SPECC1: variants seen among roughly 807,000 people sequenced by gnomAD.
SPECC1 encodes cytospin-B.
SPECC1 carries 62 observed loss-of-function variants against 104.1 expected under a neutral mutation model. That is an observed-to-expected ratio of 0.60 (90% confidence interval 0.49 to 0.74). The LOEUF (loss-of-function observed/expected upper bound fraction) is 0.74, where lower values mean the gene tolerates loss of function less well. SPECC1 is among the 30% of genes least tolerant of loss of function. The pLI is 0.00. For synonymous variants in SPECC1, 513 were observed against 501.6 expected (o/e 1.02, Z -0.30); for missense variants, 1,306 against 1,310.5 (o/e 1.00, Z 0.05).
chr17:20,263,644 A>T (rs2040112065), intron 12 of SPECC1, among the ~76,000 whole-genome samples: 2 of 152,182 alleles, frequency 1.3e-5, no homozygotes, highest in Admixed American at 1.3e-4. Flanking sequence ...GGTGATGGGA[A>T]ATTGAAGAAA....
At chr17:20,082,242 T>C (rs938064957) in intron 1 of SPECC1, among the ~76,000 whole-genome samples, 1 of 152,204 alleles carries the variant, frequency 6.6e-6, no homozygotes, top group Non-Finnish European at 1.5e-5. Flanking sequence ...AGAGTTGTAT[T>C]AGTCTGCTTG....
intron 3 of SPECC1, among the ~76,000 whole-genome samples, chr17:20,176,077 G>A (rs1212174853): frequency 6.6e-6 from 1 of 152,148 alleles, no homozygotes; most frequent in Admixed American, 6.5e-5. Flanking sequence ...TTTCTGGAGC[G>A]AAAATTCTTA....
intron 3 of SPECC1, among the ~76,000 whole-genome samples, chr17:20,180,010 T>C (rs1160628615): frequency 6.6e-6 from 1 of 152,174 alleles, no homozygotes; most frequent in East Asian, 1.9e-4. Context: ...AAAAATTTCA[T>C]CTTTGTTGGT....
intron 3 of SPECC1, among the ~76,000 whole-genome samples, chr17:20,125,313 T>C (rs1337563210): frequency 6.6e-6 from 1 of 152,240 alleles, no homozygotes; most frequent in African/African-American, 2.4e-5. Context: ...GCGCGTCATG[T>C]TTGCATCACC....
intron 13 of SPECC1, among the ~76,000 whole-genome samples, chr17:20,298,300 C>T (rs2041423187): frequency 6.6e-6 from 1 of 151,956 alleles, no homozygotes; most frequent in Non-Finnish European, 1.5e-5. Context: ...CACCACTGCA[C>T]TTCAGCCTGG....
chr17:20,035,912 C>T (rs1047768840), intron 1 of SPECC1, among the ~76,000 whole-genome samples: 2 of 152,066 alleles, frequency 1.3e-5, no homozygotes, highest in African/African-American at 4.8e-5. Flanking sequence ...GCAACCTCTG[C>T]CTCCGGGTTC....
chr17:20,030,913 T>G (rs1048747243), intron 1 of SPECC1, among the ~76,000 whole-genome samples: 2 of 152,226 alleles, frequency 1.3e-5, no homozygotes, highest in Non-Finnish European at 2.9e-5. Flanking sequence ...TGTGCTCTCA[T>G]GAGCCTTGGT....
intron 1 of SPECC1, among the ~76,000 whole-genome samples, chr17:20,059,846 A>G (rs1597630344): frequency 6.6e-6 from 1 of 152,228 alleles, no homozygotes; most frequent in African/African-American, 2.4e-5. Flanking sequence ...TGTGTGACAG[A>G]GCAAGGGCCT....
chr17:20,091,829 G>A (rs968758511), intron 1 of SPECC1, among the ~76,000 whole-genome samples: 20 of 152,034 alleles, frequency 1.3e-4, no homozygotes, highest in African/African-American at 4.8e-4. Context: ...CTGGAGACTC[G>A]TCATTATTTT....
At chr17:20,058,714 A>G (rs908761617) in intron 1 of SPECC1, among the ~76,000 whole-genome samples, 57 of 151,982 alleles carry the variant, frequency 3.8e-4, no homozygotes, top group African/African-American at 1.3e-3. Context: ...TATTTAGATT[A>G]GCGGTCCCCA....
At chr17:20,173,628 T>C (rs2034252016) in intron 3 of SPECC1, among the ~76,000 whole-genome samples, 1 of 152,164 alleles carries the variant, frequency 6.6e-6, no homozygotes, top group Non-Finnish European at 1.5e-5. Flanking sequence ...GACTGCCGTT[T>C]TAAACTGTAA....
At chr17:20,111,510 T>G (rs2048489771) in intron 3 of SPECC1, among the ~76,000 whole-genome samples, 1 of 152,214 alleles carries the variant, frequency 6.6e-6, no homozygotes, top group Non-Finnish European at 1.5e-5. Flanking sequence ...CACTTGGTTT[T>G]TAAAATACAA....
In SPECC1 at chr17:20,278,720, T is replaced by TCTCTC. The variant is rs201319703; in HGVS notation, c.2941-18241_2941-18240insCTCTC. Among the ~76,000 whole-genome samples, 4 of 144,802 alleles carry TCTCTC rather than the reference T, an allele frequency of 2.8e-5. No individual in the cohort carries two copies. In the East Asian group the frequency reaches 8.1e-4, roughly 29 times the overall value. The allele number at this position is 144,802 out of a possible 152,430, so 95.0% of individuals were successfully genotyped here. A position where few individuals can be genotyped will look rare whatever the true frequency, so the allele number is the denominator to read the frequency against. On this transcript the variant is annotated intron_variant, in intron 12 of 14. Coordinates refer to ENST00000395527, the MANE Select transcript of SPECC1 (RefSeq NM_001243439.2). The stretch of plus-strand genomic sequence containing the variant: ...CCCTGTCTCTCTCTCTCTCTCTCTC[T>TCTCTC]TTTTTTTTTTAAAGGTTCTTACCAT...
chr17:20,115,528 T>C (rs2042046), intron 3 of SPECC1, among the ~76,000 whole-genome samples: 86,444 of 151,934 alleles, frequency 0.57, 25,191 homozygotes, highest in Middle Eastern at 0.62. Context: ...AAAATATTAG[T>C]GCATAGGATT....
intron 7 of SPECC1, chr17:20,236,832 C>T (rs2038943261): frequency 4.3e-6 from 7 of 1,613,624 alleles, no homozygotes; most frequent in Non-Finnish European, 5.9e-6. Context: ...TCCTTTACAG[C>T]CTCTCCCTCC....
At chr17:20,144,175 C>CTTTTTTTTTTTTTTTTTTTTTTTTTTT in intron 3 of SPECC1, among the ~76,000 whole-genome samples, 1 of 94,408 alleles carries the variant, frequency 1.1e-5, no homozygotes, top group Non-Finnish European at 2.0e-5. Flanking sequence ...TTTTTCTTTT[C>CTTTTTTTTTTTTTTTTTTTTTTTTTTT]TTTTTTTTTT....
intron 12 of SPECC1, among the ~76,000 whole-genome samples, chr17:20,279,521 C>T (rs1254011957): frequency 6.6e-6 from 1 of 151,992 alleles, no homozygotes; most frequent in African/African-American, 2.4e-5. Context: ...AGGGTTTCTC[C>T]ATGTTGGTCA....
intron 4 of SPECC1, among the ~76,000 whole-genome samples, chr17:20,221,570 T>G (rs1048577978): frequency 1.3e-4 from 20 of 152,144 alleles, no homozygotes; most frequent in African/African-American, 4.8e-4. Flanking sequence ...TGGCCAAAGT[T>G]TTGTCAATTT....
chr17:20,198,310 A>G (rs563166967), intron 3 of SPECC1, among the ~76,000 whole-genome samples: 1 of 152,298 alleles, frequency 6.6e-6, no homozygotes, highest in Admixed American at 6.5e-5. Flanking sequence ...AGGAAAGGAA[A>G]AGTAGAGAGA....
Sources: gnomAD v4.1 joint callset for allele counts (sites outside exome capture counted in the v4.1 genomes callset) on GRCh38, gnomAD v4.1.1 for gene constraint, MANE v1.5 for transcripts, NCBI Gene and HGNC (gene_info 2026-07-23, HGNC 2026-07-21) for gene names.